GAS7: variants seen among roughly 807,000 people sequenced by gnomAD.
The protein encoded by GAS7 is growth arrest-specific protein 7.
In GAS7, 28 loss-of-function variants were observed where a neutral mutation model predicts 71.1. The ratio of observed to expected loss-of-function variants is 0.39; its 90% confidence interval spans 0.29 to 0.54. The LOEUF is 0.54. Among genes scored for constraint, GAS7 ranks in the 20% least tolerant of loss-of-function variants. The probability of loss-of-function intolerance (pLI) is 0.62; values close to 1 mark genes in which losing one functional copy is unlikely to be tolerated. For synonymous variants in GAS7, 258 were observed against 245.8 expected (o/e 1.05, Z -0.46); for missense variants, 436 against 627.8 (o/e 0.69, Z 3.27).
intron 1 of GAS7, among the ~76,000 whole-genome samples, chr17:10,078,055 G>T (rs1022033153): frequency 1.8e-5 from 2 of 109,192 alleles, no homozygotes; most frequent in Non-Finnish European, 3.8e-5. Context: ...TTTTTCTGTT[G>T]TGTGTGTGTG....
chr17:10,147,150 T>C (rs1396093051), intron 1 of GAS7, among the ~76,000 whole-genome samples: 1 of 152,220 alleles, frequency 6.6e-6, no homozygotes. Context: ...TGCCATTTTT[T>C]TTAATATGTT....
chr17:10,044,739 A>G (rs987212531), intron 1 of GAS7, among the ~76,000 whole-genome samples: 8 of 152,156 alleles, frequency 5.3e-5, no homozygotes, highest in African/African-American at 1.9e-4. Context: ...GTTCAAATCC[A>G]TTGTCTGAGG....
intron 2 of GAS7, among the ~76,000 whole-genome samples, chr17:9,984,507 G>A (rs1395758664): frequency 1.3e-5 from 2 of 152,196 alleles, no homozygotes; most frequent in African/African-American, 4.8e-5. Context: ...GAGTGACAAG[G>A]AGAGAGGCTG....
At chr17:9,990,043 A>G (rs7218067) in intron 2 of GAS7, among the ~76,000 whole-genome samples, 62,218 of 151,842 alleles carry the variant, frequency 0.41, 14,252 homozygotes, top group African/African-American at 0.62. Flanking sequence ...GCAGAGGTGG[A>G]CGGATCATGA....
chr17:10,118,704 CAAAAAAAAA>C (rs34461299), intron 1 of GAS7, among the ~76,000 whole-genome samples: 2 of 70,108 alleles, frequency 2.9e-5, no homozygotes, highest in African/African-American at 1.1e-4. Context: ...ACTCTGTCTC[CAAAAAAAAA>C]AAAAAAAAAA....
At chr17:10,014,421 AC>A (rs755778377) in intron 2 of GAS7, among the ~76,000 whole-genome samples, 7 of 152,144 alleles carry the variant, frequency 4.6e-5, no homozygotes, top group Non-Finnish European at 1.0e-4. Flanking sequence ...ATGTCACGCC[AC>A]CGCCTGGAAA....
intron 2 of GAS7, among the ~76,000 whole-genome samples, chr17:10,012,944 A>C (rs975109501): frequency 6.6e-6 from 1 of 152,030 alleles, no homozygotes; most frequent in Non-Finnish European, 1.5e-5. Flanking sequence ...CTACTAAAAA[A>C]TACAAAAAAT....
rs1253263165 is a variant in GAS7, at chr17:9,974,389, G to T, written c.386-4627C>A. 6.6e-6 allele frequency among the ~76,000 whole-genome samples: 1 copy of T among 152,008 alleles called. No homozygotes were observed. Among genetic ancestry groups the T allele is most frequent in the Admixed American group, 6.6e-5 (1 of 15,258 alleles). ...TCCTGGGGGCTCCCGGCTCACCCAG[G>T]GTCAGCCACAAAACAAATGAGGCGA... On this transcript the variant is annotated intron_variant, in intron 3 of 13. Transcript: ENST00000432992. The surrounding 1 kb of genome is among the most constrained non-coding windows in gnomAD (Gnocchi z 4.0).
intron 1 of GAS7, chr17:10,059,650 T>C: frequency 2.0e-6 from 2 of 978,828 alleles, no homozygotes; most frequent in Non-Finnish European, 2.4e-6. Context: ...GCTTCGAGCA[T>C]CTGCATCAAA....
chr17:10,080,906 C>T (rs1403395835), intron 1 of GAS7, among the ~76,000 whole-genome samples: 1 of 152,056 alleles, frequency 6.6e-6, no homozygotes, highest in African/African-American at 2.4e-5. Flanking sequence ...GAAGAAAGAC[C>T]CCAGCAACAG....
At chr17:10,133,026 C>A (rs2074009285) in intron 1 of GAS7, among the ~76,000 whole-genome samples, 1 of 151,796 alleles carries the variant, frequency 6.6e-6, no homozygotes, top group South Asian at 2.1e-4. Context: ...GACACACAGA[C>A]CAACAGACAG....
intron 6 of GAS7, among the ~76,000 whole-genome samples, chr17:9,946,029 T>C (rs1044863326): frequency 1.3e-5 from 2 of 152,146 alleles, no homozygotes; most frequent in Non-Finnish European, 2.9e-5. Context: ...AGTTTTTACT[T>C]ATTTATTGTT....
At chr17:9,964,695 T>C (rs181615543) in intron 4 of GAS7, among the ~76,000 whole-genome samples, 1 of 152,318 alleles carries the variant, frequency 6.6e-6, no homozygotes, top group East Asian at 1.9e-4. Context: ...TCTCACAGCA[T>C]CCACTTCCTC....
chr17:10,150,403 C>CTCTT (rs61317987), intron 1 of GAS7, among the ~76,000 whole-genome samples: 54,542 of 143,164 alleles, frequency 0.38, 10,051 homozygotes, highest in East Asian at 0.5. Flanking sequence ...TTCTTTCTCT[C>CTCTT]AACTGGTTAA....
chr17:10,094,757 C>G (rs559971698), intron 1 of GAS7, among the ~76,000 whole-genome samples: 1 of 152,120 alleles, frequency 6.6e-6, no homozygotes, highest in Non-Finnish European at 1.5e-5. Flanking sequence ...TGTGAGCCAC[C>G]GCGCCCGGCC....
At chr17:10,142,831 G>A (rs144130594) in intron 1 of GAS7, among the ~76,000 whole-genome samples, 5 of 152,172 alleles carry the variant, frequency 3.3e-5, no homozygotes, top group East Asian at 1.9e-4. Context: ...CTGAACTCAC[G>A]GGGGTTCAGA....
At chr17:10,020,840 G>C (rs182320036) in intron 1 of GAS7, among the ~76,000 whole-genome samples, 1 of 152,290 alleles carries the variant, frequency 6.6e-6, no homozygotes, top group East Asian at 1.9e-4. Context: ...TTGAACCTAG[G>C]AGGCGGAGGT....
chr17:10,100,724 GT>G (rs2073690438), intron 1 of GAS7, among the ~76,000 whole-genome samples: 1 of 152,096 alleles, frequency 6.6e-6, no homozygotes, highest in African/African-American at 2.4e-5. Flanking sequence ...GAATTACGAA[GT>G]TTTTAGAATC....
chr17:10,076,563 A>C (rs907470294), intron 1 of GAS7, among the ~76,000 whole-genome samples: 2 of 152,174 alleles, frequency 1.3e-5, no homozygotes, highest in African/African-American at 4.8e-5. Context: ...CTACCCCTCC[A>C]ATCAAGAAAC....
Sources: allele counts gnomAD v4.1 joint callset (sites outside exome capture counted in the v4.1 genomes callset), GRCh38; gene constraint gnomAD v4.1.1; non-coding constraint Gnocchi (gnomAD v3.1); transcripts MANE v1.5; gene names NCBI Gene and HGNC (gene_info 2026-07-23, HGNC 2026-07-21).